Variants in CEP104 observed in about 807,000 individuals in gnomAD.
CEP104 encodes the protein centrosomal protein of 104 kDa.
A neutral mutation model predicts 113.3 loss-of-function variants in CEP104; 84 were observed. That is an observed-to-expected ratio of 0.74 (90% CI 0.62 to 0.89). The LOEUF is 0.89. Ranked by LOEUF, CEP104 falls within the 40% of genes least tolerant of loss-of-function variation. The probability of loss-of-function intolerance (pLI) is 0.00; values close to 1 mark genes in which losing one functional copy is unlikely to be tolerated. For missense variants in CEP104, 1,053 were observed against 1,156.6 expected, an observed-to-expected ratio of 0.91 and a Z score of 1.30; for synonymous variants, 378 against 421.7, an observed-to-expected ratio of 0.90 and a Z score of 1.27.
intron 13 of CEP104, among the ~76,000 whole-genome samples, chr1:3,830,390 T>G (rs948904947): frequency 3.3e-5 from 5 of 152,276 alleles, no homozygotes; most frequent in Non-Finnish European, 4.4e-5. Context: ...CCGAAAACAA[T>G]CTGAAATCCT....
rs11800962 is a variant in CEP104 at position 3,835,373 on chromosome 1, C to T, written c.1318-281G>A. 0.031 allele frequency among the ~76,000 whole-genome samples: 4,674 copies of T among 152,150 alleles called. 239 individuals carry two copies. Among genetic ancestry groups the T allele is most frequent in the African/African-American group, 0.11 (4,459 of 41,498 alleles). On this transcript the variant is annotated intron_variant, in intron 10 of 21. Transcript: ENST00000378230. ...TTAAAGCTGAGAACGAGGGAAAACC[C>T]TACTCATTTCTTTTTATTTTGAGAC...
chr1:3,845,426 G>T, intron 4 of CEP104, 75 bp from the exon 5 acceptor site: 1 of 1,159,586 alleles, frequency 8.6e-7, no homozygotes, highest in East Asian at 2.4e-5. Flanking sequence ...TACTTATTTT[G>T]AGACAGGGTC....
chr1:3,842,550 AT>A lies in CEP104; in HGVS notation c.566+2356del, dbSNP rs1644432661. ...CCAGTGCACATGCTCAGCAAATCGC[AT>A]GTGGCTCCTGAGCAACTGCAGAGAG... On this transcript the variant is annotated intron_variant, in intron 6 of 21. Coordinates refer to ENST00000378230, the MANE Select transcript of CEP104 (RefSeq NM_014704.4). Among the ~76,000 whole-genome samples the A allele has an allele frequency of 3.9e-5, 6 of 152,324 alleles. No individual in the cohort carries two copies. In the South Asian group the frequency reaches 1.2e-3, roughly 32 times the overall value.
At position 3,823,643 on chromosome 1, in the gene CEP104, C is replaced by T; in HGVS notation, c.2365-81G>A. 1 of 1,569,662 alleles carries T rather than the reference C, an allele frequency of 6.4e-7. No homozygotes were observed. The highest frequency in any genetic ancestry group is 1.1e-5 in the South Asian group (1 of 88,764). ...AGCCAGCCTGCAGAGCCTGTGAGCGCCTCCCCTGCCCAGGGAGGTCTGTGC... is the reference window on the plus strand; with the variant it reads ...AGCCAGCCTGCAGAGCCTGTGAGCGTCTCCCCTGCCCAGGGAGGTCTGTGC... On this transcript the variant is annotated intron_variant, in intron 18 of 21. Transcript: ENST00000378230. This position sits in a 1 kb window ranked among gnomAD's most constrained non-coding sequence, Gnocchi z 4.1.
Position 3,816,386 on chromosome 1 carries a change from C to A in CEP104, c.2572-16G>T. ...CTTTCCATGCCTGCAGCAGAGGAGG[C>A]ACACAGAGTGTTAATCAGGCGAGAC... On this transcript the variant is annotated splice_polypyrimidine_tract_variant and intron_variant, in intron 20 of 21. Coordinates refer to ENST00000378230, the MANE Select transcript of CEP104 (RefSeq NM_014704.4). The A allele has an allele frequency of 6.5e-7, 1 of 1,545,950 alleles. No homozygotes were observed. Among genetic ancestry groups the A allele is most frequent in the Non-Finnish European group, 8.7e-7 (1 of 1,144,156 alleles).
intron 15 of CEP104, among the ~76,000 whole-genome samples, chr1:3,827,106 C>T (rs969472064): frequency 3.3e-5 from 5 of 152,166 alleles, no homozygotes; most frequent in African/African-American, 1.2e-4. Flanking sequence ...GAGCTGAGAT[C>T]ATGCCACTGC....
chr1:3,837,279 C>A lies in CEP104; in HGVS notation c.1119+13G>T. ...AAATAAATTGAACGCCAATCTGAAA[C>A]AGAATTACCTACATTGATCTTTGGA... On this transcript the variant is annotated intron_variant, in intron 9 of 21. Coordinates refer to ENST00000378230, the MANE Select transcript of CEP104 (RefSeq NM_014704.4). The A allele has an allele frequency of 6.3e-7, 1 of 1,595,046 alleles. No individual in the cohort carries two copies. Among genetic ancestry groups the A allele is most frequent in the South Asian group, 1.1e-5 (1 of 90,160 alleles).
chr1:3,817,812 G>C (rs543639345), intron 20 of CEP104, among the ~76,000 whole-genome samples: 4 of 152,228 alleles, frequency 2.6e-5, no homozygotes, highest in Admixed American at 6.5e-5. Context: ...CACGTGGCAG[G>C]GCAGGCTGAA....
chr1:3,831,234 A>C lies in CEP104; in HGVS notation c.1660-12T>G. ...AACAAGGCCATTTCCTATGAAAGCC[A>C]AGGTAATTTGTTAATTTTTACTGGA... On this transcript the variant is annotated splice_polypyrimidine_tract_variant and intron_variant, in intron 12 of 21. Transcript: ENST00000378230. 6.2e-7 allele frequency: 1 copy of C among 1,605,706 alleles called. No homozygotes were observed. The highest frequency in any genetic ancestry group is 1.1e-5 in the South Asian group (1 of 90,882).
chr1:3,828,771 A>AATT (rs1644142529), intron 15 of CEP104, among the ~76,000 whole-genome samples: 2 of 152,170 alleles, frequency 1.3e-5, no homozygotes, highest in African/African-American at 2.4e-5. Flanking sequence ...CATATCCCAG[A>AATT]AGCTGGGAGG....
chr1:3,813,820 A>C lies in CEP104; in HGVS notation c.*1582T>G, dbSNP rs1355721753. 2 of 152,024 alleles carry C rather than the reference A, an allele frequency of 1.3e-5. No homozygotes were observed. The highest frequency in any genetic ancestry group is 2.9e-5 in the Non-Finnish European group (2 of 68,030). The allele number at this position is 152,024 out of a possible 1,614,324, so 9.4% of individuals were successfully genotyped here. A position where few individuals can be genotyped will look rare whatever the true frequency, so the allele number is the denominator to read the frequency against. ...AGCCAAGATCACGCCATTGCACTGC[A>C]GCCCGGGCGACACAGTGAGACTCCG... On this transcript the variant is annotated 3_prime_UTR_variant, in exon 22 of 22. Coordinates refer to ENST00000378230, the MANE Select transcript of CEP104 (RefSeq NM_014704.4).
chr1:3,855,317 G>C (rs1370532483), intron 1 of CEP104, among the ~76,000 whole-genome samples: 1 of 150,996 alleles, frequency 6.6e-6, no homozygotes, highest in East Asian at 1.9e-4. Flanking sequence ...GAGCAGCTAG[G>C]ACTACAGGCA....
rs150076945 is a variant in CEP104 at position 3,848,572 on chromosome 1, A to C, written c.287+36T>G. ...AGAGCTTTCAGGTAGAATTAGCCTA[A>C]AAGCTGCCATGATACATTTTAAATT... On this transcript the variant is annotated intron_variant, in intron 3 of 21. Transcript: ENST00000378230. The C allele has an allele frequency of 2.9e-5, 44 of 1,531,928 alleles. No homozygotes were observed. In the African/African-American group the frequency reaches 5.7e-4, roughly 20 times the overall value. The allele number at this position is 1,531,928 out of a possible 1,614,324, so 94.9% of individuals were successfully genotyped here. A position where few individuals can be genotyped will look rare whatever the true frequency, so the allele number is the denominator to read the frequency against.
chr1:3,824,422 T>C (rs1644043889), intron 18 of CEP104, among the ~76,000 whole-genome samples: 1 of 152,036 alleles, frequency 6.6e-6, no homozygotes, highest in Non-Finnish European at 1.5e-5. Context: ...AGGCCTAATA[T>C]AGGGGATGGG....
intron 20 of CEP104, among the ~76,000 whole-genome samples, chr1:3,822,265 C>T (rs1643991961): frequency 6.9e-6 from 1 of 145,554 alleles, no homozygotes; most frequent in African/African-American, 2.6e-5. Context: ...GACAGAGGGA[C>T]ACAGAGAGCC....
chr1:3,838,894 T>C lies in CEP104; in HGVS notation c.891+70A>G, dbSNP rs1644362853. ...ACACTTCAAAGACATCTATCCACTG[T>C]TGTGAACCACACAGTTGAATCTCTG... On this transcript the variant is annotated intron_variant, in intron 8 of 21. Coordinates refer to ENST00000378230, the MANE Select transcript of CEP104 (RefSeq NM_014704.4). The C allele has an allele frequency of 4.5e-6, 7 of 1,539,080 alleles. No homozygotes were observed. The East Asian group carries it at 9.0e-5, about 20-fold the overall frequency.
chr1:3,832,397 ACCAGGAGTGTAGCGTAGGTCCTG>A (rs1644229065), intron 12 of CEP104, among the ~76,000 whole-genome samples: 3 of 62,368 alleles, frequency 4.8e-5, no homozygotes, highest in Admixed American at 1.7e-4. Context: ...GTAGGTCGTG[ACCAGGAGTGTAGCGTAGGTCCTG>A]ACCAGGAGTG....
intron 4 of CEP104, among the ~76,000 whole-genome samples, 194 bp downstream of exon 4, chr1:3,847,281 C>T (rs1038612990): frequency 1.3e-5 from 2 of 152,190 alleles, no homozygotes; most frequent in Non-Finnish European, 2.9e-5. Flanking sequence ...TAGGCCAGTT[C>T]GTGGTGGGCA....
At chr1:3,836,474 T>G in intron 10 of CEP104, 21 bp downstream of exon 10, 1 of 1,415,910 alleles carries the variant, frequency 7.1e-7, no homozygotes, top group East Asian at 2.5e-5. Context: ...CCCCGTTTTT[T>G]TTTTTTTTTT....
Sources: allele counts gnomAD v4.1 joint callset (sites outside exome capture counted in the v4.1 genomes callset), GRCh38; gene constraint gnomAD v4.1.1; non-coding constraint Gnocchi (gnomAD v3.1); transcripts MANE v1.5; gene names NCBI Gene and HGNC (gene_info 2026-07-23, HGNC 2026-07-21).